PCDHGA10: variants seen among roughly 807,000 people sequenced by gnomAD.
PCDHGA10 encodes protocadherin gamma subfamily A, 10.
Under a neutral mutation model 59.5 loss-of-function variants are expected in PCDHGA10, and 42 were observed. The observed-to-expected ratio is 0.71, with a 90% CI of 0.55 to 0.91. The LOEUF is 0.91. Among genes scored for constraint, PCDHGA10 ranks in the 40% least tolerant of loss-of-function variants. The pLI is 0.00. For missense variants in PCDHGA10, 1,111 were observed against 1,198.2 expected, an observed-to-expected ratio of 0.93 and a Z score of 1.07; for synonymous variants, 511 against 517.2, an observed-to-expected ratio of 0.99 and a Z score of 0.16.
rs1445450316 is a variant in PCDHGA10, at chr5:141,491,210, C to T, written c.2437-3597C>T. On this transcript the variant is annotated intron_variant, in intron 1 of 3. Coordinates refer to ENST00000398610, the MANE Select transcript of PCDHGA10 (RefSeq NM_018913.3). The surrounding 1 kb of genome is among the most constrained non-coding windows in gnomAD (Gnocchi z 6.9). ...AGGGACAATGGTGACCCTTCACTCT[C>T]CTCCACAGCCACAGTGCTGCTGGTT... The T allele has an allele frequency of 3.7e-6, 6 of 1,614,228 alleles. No homozygotes were observed. Among genetic ancestry groups the T allele is most frequent in the Non-Finnish European group, 3.4e-6 (4 of 1,180,032 alleles).
In PCDHGA10 at chr5:141,459,352, C is replaced by T. The variant is rs111826527; in HGVS notation, c.2437-35455C>T. On this transcript the variant is annotated intron_variant, in intron 1 of 3. Coordinates refer to ENST00000398610, the MANE Select transcript of PCDHGA10 (RefSeq NM_018913.3). Reference sequence around the variant, plus strand: ...TACTCCAAAGTTCTTGAAATTCATTCATGTTCCTGTGTGTATCAGCAGCGT... The same window carrying T: ...TACTCCAAAGTTCTTGAAATTCATTTATGTTCCTGTGTGTATCAGCAGCGT... 1.4e-4 allele frequency among the ~76,000 whole-genome samples: 21 copies of T among 152,304 alleles called. No homozygotes were observed. The East Asian group carries it at 3.7e-3, about 27-fold the overall frequency.
In PCDHGA10 at chr5:141,485,842, T is replaced by C; in HGVS notation, c.2437-8965T>C. ...TCGATGGAGGGAACCCGCCGAGATC[T>C]GGCACCGCAGAGCTCCGGGTATCCG... On this transcript the variant is annotated intron_variant, in intron 1 of 3. Coordinates refer to ENST00000398610, the MANE Select transcript of PCDHGA10 (RefSeq NM_018913.3). This position sits in a 1 kb window ranked among gnomAD's most constrained non-coding sequence, Gnocchi z 5.7. 1 of 1,614,002 alleles carries C rather than the reference T, an allele frequency of 6.2e-7. No homozygotes were observed. Among genetic ancestry groups the C allele is most frequent in the Non-Finnish European group, 8.5e-7 (1 of 1,179,982 alleles).
At chr5:141,453,178 A>G (rs939398654) in intron 1 of PCDHGA10, among the ~76,000 whole-genome samples, 1 of 152,128 alleles carries the variant, frequency 6.6e-6, no homozygotes, top group African/African-American at 2.4e-5. Flanking sequence ...CAGTGGTACA[A>G]TCACAGCTCA....
intron 1 of PCDHGA10, among the ~76,000 whole-genome samples, chr5:141,437,980 C>T (rs1198278358): frequency 1.3e-5 from 2 of 152,050 alleles, no homozygotes; most frequent in Non-Finnish European, 2.9e-5. Flanking sequence ...TTGGGATGCA[C>T]CCACCCCACC....
At position 141,444,152 on chromosome 5, in the gene PCDHGA10, A is replaced by ATTTTTTTTTTT. The variant is rs747671382; in HGVS notation, c.2436+28567_2436+28577dup. 8.9e-5 allele frequency among the ~76,000 whole-genome samples: 3 copies of ATTTTTTTTTTT among 33,898 alleles called. 1 individual carries two copies. Among genetic ancestry groups the ATTTTTTTTTTT allele is most frequent in the African/African-American group, 4.2e-4 (3 of 7,184 alleles). 22.2% of individuals were successfully genotyped at this position (33,898 alleles called of 152,430 possible). On this transcript the variant is annotated intron_variant, in intron 1 of 3. Transcript: ENST00000398610. Reference sequence around the variant, plus strand: ...GATATGTGTCACTTGTGTGTACTGGATTTTTTTTTTTTTTTTTTTTTTTTT... The same window carrying ATTTTTTTTTTT: ...GATATGTGTCACTTGTGTGTACTGGATTTTTTTTTTTTTTTTTTTTTTTTTTTTTTTTTTTT...
chr5:141,438,347 C>T (rs150878327), intron 1 of PCDHGA10, among the ~76,000 whole-genome samples: 7 of 151,730 alleles, frequency 4.6e-5, no homozygotes, highest in Non-Finnish European at 2.9e-5. Flanking sequence ...TAAGGATCTA[C>T]TCTGTGTATT....
chr5:141,476,281 T>G lies in PCDHGA10; in HGVS notation c.2437-18526T>G. On this transcript the variant is annotated intron_variant, in intron 1 of 3. Coordinates refer to ENST00000398610, the MANE Select transcript of PCDHGA10 (RefSeq NM_018913.3). This position sits in a 1 kb window ranked among gnomAD's most constrained non-coding sequence, Gnocchi z 7.6. ...TGGGCAACGTGGTCGCGAACCTTGGTTTGGATCTCGGTAGCCTCTCAGCCC... is the reference window on the plus strand; with the variant it reads ...TGGGCAACGTGGTCGCGAACCTTGGGTTGGATCTCGGTAGCCTCTCAGCCC... 1 of 1,614,048 alleles carries G rather than the reference T, an allele frequency of 6.2e-7. No homozygotes were observed. The highest frequency in any genetic ancestry group is 1.1e-5 in the South Asian group (1 of 91,062).
At chr5:141,474,156 A>T (rs1387216017) in intron 1 of PCDHGA10, among the ~76,000 whole-genome samples, 1 of 152,244 alleles carries the variant, frequency 6.6e-6, no homozygotes, top group Non-Finnish European at 1.5e-5. Context: ...CAAGAAAATG[A>T]CAGGCCTTAT....
intron 1 of PCDHGA10, among the ~76,000 whole-genome samples, chr5:141,466,436 G>A (rs181613158): frequency 1.3e-5 from 2 of 152,270 alleles, no homozygotes; most frequent in East Asian, 1.9e-4. Context: ...AAGCTGAACC[G>A]AGATGTCTAT....
At chr5:141,445,612 CT>C (rs996122021) in intron 1 of PCDHGA10, among the ~76,000 whole-genome samples, 1 of 151,994 alleles carries the variant, frequency 6.6e-6, no homozygotes, top group Non-Finnish European at 1.5e-5. Flanking sequence ...GGAAGGCTTT[CT>C]TTTTTTCGGA....
At chr5:141,415,750 T>TTTG in intron 1 of PCDHGA10, 139 bp downstream of exon 1, 2 of 1,313,212 alleles carry the variant, frequency 1.5e-6, no homozygotes, top group African/African-American at 1.6e-5. Context: ...GTTTTTTTTT[T>TTTG]TTTTTTTTTT....
At chr5:141,495,652 T>C (rs1403816239) in intron 2 of PCDHGA10, among the ~76,000 whole-genome samples, 2 of 152,336 alleles carry the variant, frequency 1.3e-5, no homozygotes, top group Admixed American at 6.5e-5. Context: ...CTACTTGCAT[T>C]GATCTGTGCC....
intron 1 of PCDHGA10, among the ~76,000 whole-genome samples, chr5:141,466,514 T>C (rs1276000407): frequency 6.6e-6 from 1 of 152,226 alleles, no homozygotes; most frequent in Non-Finnish European, 1.5e-5. Context: ...AAGATCATTT[T>C]TTTTCCTCCC....
chr5:141,475,935 C>CCCGT, intron 1 of PCDHGA10: 1 of 669,050 alleles, frequency 1.5e-6, no homozygotes, highest in Middle Eastern at 4.2e-4. Flanking sequence ...CGGGCCCCTG[C>CCCGT]CCGTCCCCTT....
chr5:141,452,002 T>C (rs965343762), intron 1 of PCDHGA10, among the ~76,000 whole-genome samples: 1 of 152,220 alleles, frequency 6.6e-6, no homozygotes, highest in African/African-American at 2.4e-5. Context: ...GCAAAATCAC[T>C]TGGTCCAGCC....
Position 141,418,614 on chromosome 5 carries a change from G to A in PCDHGA10, c.2436+3003G>A, listed in dbSNP as rs777074200. ...CAGGACGTGTACAGGGTTAGCCTTC[G>A]GGAAGACGTGCCTCCAGGCACCTCC... is the stretch of plus-strand genomic sequence containing the variant. On this transcript the variant is annotated intron_variant, in intron 1 of 3. Transcript: ENST00000398610. The A allele has an allele frequency of 5.0e-6, 8 of 1,613,876 alleles. No homozygotes were observed. In the East Asian group the frequency reaches 1.1e-4, roughly 22 times the overall value.
chr5:141,476,053 A>G lies in PCDHGA10; in HGVS notation c.2437-18754A>G. 2 of 1,501,944 alleles carry G rather than the reference A, an allele frequency of 1.3e-6. No homozygotes were observed. Among genetic ancestry groups the G allele is most frequent in the Non-Finnish European group, 1.8e-6 (2 of 1,131,392 alleles). 93.0% of individuals were successfully genotyped at this position (1,501,944 alleles called of 1,614,324 possible). ...CAGCGCCCAAGCGCTAACCCGCTGA[A>G]AGTTTCTCAGCGAAATCTCAGGGAC... On this transcript the variant is annotated intron_variant, in intron 1 of 3. Coordinates refer to ENST00000398610, the MANE Select transcript of PCDHGA10 (RefSeq NM_018913.3). The surrounding 1 kb of genome is among the most constrained non-coding windows in gnomAD (Gnocchi z 7.6).
At chr5:141,500,369 C>T (rs1034629981) in intron 2 of PCDHGA10, among the ~76,000 whole-genome samples, 4 of 151,866 alleles carry the variant, frequency 2.6e-5, no homozygotes, top group Admixed American at 6.6e-5. Flanking sequence ...CTACCACGCC[C>T]GGCTAATTAT....
At chr5:141,421,474 G>A (rs1320526226) in intron 1 of PCDHGA10, 2 of 1,614,014 alleles carry the variant, frequency 1.2e-6, no homozygotes, top group Non-Finnish European at 1.7e-6. Flanking sequence ...TCCGCGAAGC[G>A]GCAGCTTGAT....
Sources: allele counts gnomAD v4.1 joint callset (sites outside exome capture counted in the v4.1 genomes callset), GRCh38; gene constraint gnomAD v4.1.1; non-coding constraint Gnocchi (gnomAD v3.1); transcripts MANE v1.5; gene names NCBI Gene and HGNC (gene_info 2026-07-23, HGNC 2026-07-21).